Variants in LCLAT1 observed in about 807,000 individuals in gnomAD.
The protein encoded by LCLAT1 is 1-AGP acyltransferase 8.
Under a neutral mutation model 30.7 loss-of-function variants are expected in LCLAT1, and 11 were observed. That is an observed-to-expected ratio of 0.36 (90% confidence interval 0.23 to 0.59). The LOEUF (loss-of-function observed/expected upper bound fraction) is 0.59, where lower values mean the gene tolerates loss of function less well. Among genes scored for constraint, LCLAT1 ranks in the 20% least tolerant of loss-of-function variants. The pLI is 0.77. For missense variants in LCLAT1, 402 were observed against 458.6 expected, an observed-to-expected ratio of 0.88 and a Z score of 1.13; for synonymous variants, 155 against 151.3, an observed-to-expected ratio of 1.02 and a Z score of -0.18.
At chr2:30,450,543 A>C (rs997378607) in intron 1 of LCLAT1, among the ~76,000 whole-genome samples, 2 of 152,186 alleles carry the variant, frequency 1.3e-5, no homozygotes, top group South Asian at 4.1e-4. Context: ...TTAGGTTTTG[A>C]ATATATTTGT....
intron 1 of LCLAT1, among the ~76,000 whole-genome samples, chr2:30,474,116 A>G (rs72853183): frequency 0.023 from 3,569 of 152,302 alleles, 130 homozygotes; most frequent in African/African-American, 0.08. Flanking sequence ...ACCTGTTTCA[A>G]TGGAAAAGTA....
Position 30,620,532 on chromosome 2 carries a change from T to G in LCLAT1, c.629-19585T>G, listed in dbSNP as rs1439153137. On this transcript the variant is annotated intron_variant, in intron 5 of 5. Coordinates refer to ENST00000379509, the MANE Select transcript of LCLAT1 (RefSeq NM_001002257.3). ...CTGCAGTTCACCTGTTCAGACAGATTTAGAAAATTAGAAGTCTCCATTTTG... is the reference window on the plus strand; with the variant it reads ...CTGCAGTTCACCTGTTCAGACAGATGTAGAAAATTAGAAGTCTCCATTTTG... 2.0e-5 allele frequency among the ~76,000 whole-genome samples: 3 copies of G among 152,190 alleles called. No individual in the cohort carries two copies. The East Asian group carries it at 5.8e-4, about 29-fold the overall frequency.
chr2:30,551,858 G>A (rs1195468989), intron 3 of LCLAT1, among the ~76,000 whole-genome samples: 1 of 152,146 alleles, frequency 6.6e-6, no homozygotes, highest in Admixed American at 6.5e-5. Flanking sequence ...TAGGTACATA[G>A]TAGGTATATA....
intron 5 of LCLAT1, among the ~76,000 whole-genome samples, chr2:30,618,837 A>G (rs1042853233): frequency 6.6e-6 from 1 of 152,188 alleles, no homozygotes; most frequent in African/African-American, 2.4e-5. Context: ...GTAGACCCCT[A>G]AGGATTCTCT....
intron 3 of LCLAT1, among the ~76,000 whole-genome samples, chr2:30,560,699 G>A (rs1227187241): frequency 3.9e-5 from 6 of 152,138 alleles, no homozygotes; most frequent in African/African-American, 7.2e-5. Context: ...TCAGGGTTCT[G>A]TTGTATTTAT....
chr2:30,513,453 T>C (rs1386957979), intron 1 of LCLAT1, among the ~76,000 whole-genome samples: 2 of 152,148 alleles, frequency 1.3e-5, no homozygotes, highest in Non-Finnish European at 1.5e-5. Context: ...TGTAGTTGAG[T>C]GGTTTTGTGT....
chr2:30,532,578 T>TC (rs1170255145), intron 2 of LCLAT1, among the ~76,000 whole-genome samples: 1 of 152,184 alleles, frequency 6.6e-6, no homozygotes, highest in African/African-American at 2.4e-5. Flanking sequence ...ATTACTATTT[T>TC]CTAGGTACTA....
chr2:30,630,039 T>C (rs918470056), intron 5 of LCLAT1, among the ~76,000 whole-genome samples: 2 of 152,160 alleles, frequency 1.3e-5, no homozygotes, highest in African/African-American at 4.8e-5. Flanking sequence ...AAAAGGAATT[T>C]AGTTCCTCAC....
At chr2:30,495,922 C>G (rs1684087838) in intron 1 of LCLAT1, among the ~76,000 whole-genome samples, 1 of 152,124 alleles carries the variant, frequency 6.6e-6, no homozygotes, top group African/African-American at 2.4e-5. Context: ...CTGTATTAGT[C>G]TGTTCTTGCG....
chr2:30,605,353 G>C (rs1667388802), intron 5 of LCLAT1, among the ~76,000 whole-genome samples: 1 of 152,198 alleles, frequency 6.6e-6, no homozygotes, highest in African/African-American at 2.4e-5. Context: ...GAGTAGTCTT[G>C]ACGTCAGTAG....
At chr2:30,536,142 A>G (rs554021884) in intron 3 of LCLAT1, among the ~76,000 whole-genome samples, 3 of 152,360 alleles carry the variant, frequency 2.0e-5, no homozygotes, top group Non-Finnish European at 4.4e-5. Flanking sequence ...CTTACAGAAC[A>G]TGTGGAACAT....
chr2:30,529,725 G>A (rs149025091), intron 2 of LCLAT1, among the ~76,000 whole-genome samples: 1 of 152,264 alleles, frequency 6.6e-6, no homozygotes, highest in Non-Finnish European at 1.5e-5. Flanking sequence ...CACAAAACAG[G>A]TGTTGAATAA....
intron 3 of LCLAT1, among the ~76,000 whole-genome samples, chr2:30,546,688 G>T (rs1188267182): frequency 6.6e-6 from 1 of 152,150 alleles, no homozygotes; most frequent in Non-Finnish European, 1.5e-5. Context: ...TAGCCACAAA[G>T]AATAGATGTC....
intron 1 of LCLAT1, among the ~76,000 whole-genome samples, chr2:30,485,894 T>C (rs1458718598): frequency 6.6e-6 from 1 of 152,212 alleles, no homozygotes; most frequent in East Asian, 1.9e-4. Context: ...TTGTCATATA[T>C]GTTATATGTT....
intron 4 of LCLAT1, among the ~76,000 whole-genome samples, chr2:30,565,646 C>T (rs56783904): frequency 0.026 from 3,902 of 152,146 alleles, 165 homozygotes; most frequent in African/African-American, 0.087. Context: ...CTTTTTAATA[C>T]ATATATGAGT....
chr2:30,618,831 A>G (rs745921853), intron 5 of LCLAT1, among the ~76,000 whole-genome samples: 4 of 152,162 alleles, frequency 2.6e-5, no homozygotes, highest in African/African-American at 4.8e-5. Flanking sequence ...AGTTTTGTAG[A>G]CCCCTAAGGA....
chr2:30,520,048 A>C (rs977094402), intron 1 of LCLAT1, among the ~76,000 whole-genome samples: 2 of 151,878 alleles, frequency 1.3e-5, no homozygotes, highest in African/African-American at 4.8e-5. Flanking sequence ...GGTTTGTCCT[A>C]CTCGAGCTGA....
intron 5 of LCLAT1, among the ~76,000 whole-genome samples, chr2:30,597,810 A>G (rs2148486246): frequency 6.6e-6 from 1 of 152,242 alleles, no homozygotes; most frequent in South Asian, 2.1e-4. Context: ...TAATATTTTG[A>G]GGTACGTTCC....
At chr2:30,543,887 T>C (rs1664268803) in intron 3 of LCLAT1, among the ~76,000 whole-genome samples, 1 of 152,150 alleles carries the variant, frequency 6.6e-6, no homozygotes, top group South Asian at 2.1e-4. Flanking sequence ...TTTTTAGTTT[T>C]ACTGATTTCT....
Sources: gnomAD v4.1 joint callset for allele counts (sites outside exome capture counted in the v4.1 genomes callset) on GRCh38, gnomAD v4.1.1 for gene constraint, MANE v1.5 for transcripts, NCBI Gene and HGNC (gene_info 2026-07-23, HGNC 2026-07-21) for gene names.